Variants in EPB41L4A observed in about 807,000 individuals in gnomAD.
EPB41L4A encodes the protein band 4.1-like protein 4A.
A neutral mutation model predicts 108.6 loss-of-function variants in EPB41L4A; 100 were observed. That is an observed-to-expected ratio of 0.92 (90% confidence interval 0.78 to 1.09). The LOEUF (loss-of-function observed/expected upper bound fraction) is 1.09, where lower values mean the gene tolerates loss of function less well. EPB41L4A is among the 50% of genes least tolerant of loss of function. The pLI, the probability that EPB41L4A is intolerant of heterozygous loss-of-function variation, is 0.00. For missense variants in EPB41L4A, 1,030 were observed against 842.7 expected, an observed-to-expected ratio of 1.22 and a Z score of -2.75; for synonymous variants, 319 against 289.0, an observed-to-expected ratio of 1.10 and a Z score of -1.05.
At chr5:112,400,028 C>A (rs938998217) in intron 1 of EPB41L4A, among the ~76,000 whole-genome samples, 1 of 152,180 alleles carries the variant, frequency 6.6e-6, no homozygotes, top group Non-Finnish European at 1.5e-5. Context: ...CATTTTCGCA[C>A]TGCTATAAAG....
chr5:112,160,813 G>A (rs371101519), downstream of EPB41L4A: 99 of 156,198 alleles, frequency 6.3e-4, 2 homozygotes, highest in South Asian at 0.019. Flanking sequence ...TCGCGCTCTC[G>A]GACAGTGGGT....
chr5:112,284,918 A>C (rs6890234), intron 2 of EPB41L4A, among the ~76,000 whole-genome samples: 1 of 152,136 alleles, frequency 6.6e-6, no homozygotes, highest in African/African-American at 2.4e-5. Context: ...AATTTCATCA[A>C]TTTCCTTGGT....
intron 9 of EPB41L4A, among the ~76,000 whole-genome samples, chr5:112,254,520 G>A (rs960919752): frequency 6.6e-6 from 1 of 152,062 alleles, no homozygotes; most frequent in Non-Finnish European, 1.5e-5. Context: ...CAATTTCCCC[G>A]CAAGTCCTCA....
At chr5:112,355,260 A>G (rs1474085445) in intron 1 of EPB41L4A, among the ~76,000 whole-genome samples, 1 of 152,250 alleles carries the variant, frequency 6.6e-6, no homozygotes, top group Non-Finnish European at 1.5e-5. Flanking sequence ...GATAGTTTCT[A>G]TGCAACTAAA....
At chr5:112,158,568 C>T (rs1296967907), downstream of EPB41L4A, 2 of 175,240 alleles carry the variant, frequency 1.1e-5, no homozygotes, top group African/African-American at 2.4e-5. Flanking sequence ...TCAAGACATA[C>T]CCGAGACTGG....
chr5:112,305,962 G>A (rs1248752569), intron 2 of EPB41L4A, among the ~76,000 whole-genome samples: 5 of 152,068 alleles, frequency 3.3e-5, no homozygotes, highest in Non-Finnish European at 5.9e-5. Context: ...CAATAAACTA[G>A]CAACACTAAC....
At chr5:112,240,619 A>G in intron 10 of EPB41L4A, 100 bp downstream of exon 10, 1 of 648,178 alleles carries the variant, frequency 1.5e-6, no homozygotes. Context: ...AATAAAAGGG[A>G]AACAATTCCA....
downstream of EPB41L4A, among the ~76,000 whole-genome samples, chr5:112,159,925 G>A (rs1467367311): frequency 7.9e-5 from 11 of 139,688 alleles, no homozygotes; most frequent in African/African-American, 2.2e-4. Flanking sequence ...TTTTTGAGAC[G>A]GAGTTTCGCC....
chr5:112,159,269 T>C (rs1759763240), downstream of EPB41L4A, among the ~76,000 whole-genome samples: 1 of 152,192 alleles, frequency 6.6e-6, no homozygotes, highest in Non-Finnish European at 1.5e-5. Context: ...CCTTTTCTTC[T>C]CTTTCCTTCT....
rs10628909 is a variant in EPB41L4A at position 112,272,138 on chromosome 5, A to ACTT, written c.335+3187_335+3188insAAG. Among the ~76,000 whole-genome samples the ACTT allele has an allele frequency of 2.2e-3, 305 of 136,530 alleles. 3 individuals are homozygous for ACTT. Among genetic ancestry groups the ACTT allele is most frequent in the African/African-American group, 8.2e-3 (299 of 36,684 alleles). The allele number at this position is 136,530 out of a possible 152,430, so 89.6% of individuals were successfully genotyped here. A position where few individuals can be genotyped will look rare whatever the true frequency, so the allele number is the denominator to read the frequency against. On this transcript the variant is annotated intron_variant, in intron 4 of 22. Coordinates refer to ENST00000261486, the MANE Select transcript of EPB41L4A (RefSeq NM_022140.5). ...AGAAGTTCCCTGTAGCATTATTTGT[A>ACTT]TTTTTTTTTTTTTTGAGATGGAGTC... is the stretch of plus-strand genomic sequence containing the variant.
intron 1 of EPB41L4A, among the ~76,000 whole-genome samples, chr5:112,311,866 C>T (rs1486368457): frequency 6.6e-6 from 1 of 152,144 alleles, no homozygotes; most frequent in Non-Finnish European, 1.5e-5. Flanking sequence ...GTCCTTTCTC[C>T]CATCTAGGCA....
chr5:112,413,289 T>G (rs1404502089), intron 1 of EPB41L4A, among the ~76,000 whole-genome samples: 1 of 152,234 alleles, frequency 6.6e-6, no homozygotes, highest in African/African-American at 2.4e-5. Context: ...TTCAGTCCAC[T>G]GCACCGTCTC....
intron 1 of EPB41L4A, among the ~76,000 whole-genome samples, chr5:112,418,305 T>C (rs1762835586): frequency 6.6e-6 from 1 of 152,196 alleles, no homozygotes; most frequent in African/African-American, 2.4e-5. Flanking sequence ...TTGTTTGGGC[T>C]CTCTAGGTTA....
chr5:112,371,950 C>A (rs902233220), intron 1 of EPB41L4A, among the ~76,000 whole-genome samples: 1 of 152,054 alleles, frequency 6.6e-6, no homozygotes, highest in Admixed American at 6.5e-5. Flanking sequence ...AGCTACTCAG[C>A]AGGCTAAAAT....
intron 1 of EPB41L4A, among the ~76,000 whole-genome samples, chr5:112,329,180 T>C (rs1312031858): frequency 2.0e-5 from 3 of 152,196 alleles, no homozygotes; most frequent in Non-Finnish European, 4.4e-5. Context: ...AAAAACAAAA[T>C]TGCTAATTTT....
chr5:112,406,984 G>C (rs1333282164), intron 1 of EPB41L4A, among the ~76,000 whole-genome samples: 1 of 152,108 alleles, frequency 6.6e-6, no homozygotes, highest in Non-Finnish European at 1.5e-5. Context: ...GCTGTCTGCT[G>C]CACTTTGGGT....
intron 2 of EPB41L4A, among the ~76,000 whole-genome samples, chr5:112,291,864 G>C (rs184618180): frequency 3.9e-5 from 6 of 152,302 alleles, no homozygotes; most frequent in Admixed American, 1.3e-4. Flanking sequence ...CTGCGTTTCT[G>C]AGTTTTGTAA....
At chr5:112,391,329 G>GA (rs913919113) in intron 1 of EPB41L4A, among the ~76,000 whole-genome samples, 2 of 152,000 alleles carry the variant, frequency 1.3e-5, no homozygotes, top group Admixed American at 1.3e-4. Context: ...TAAAAACTTT[G>GA]AAAAAAGATG....
chr5:112,217,802 CT>C (rs1747759620), intron 12 of EPB41L4A, among the ~76,000 whole-genome samples: 1 of 152,110 alleles, frequency 6.6e-6, no homozygotes, highest in African/African-American at 2.4e-5. Flanking sequence ...AATTTTGCTA[CT>C]GCAAGATCAA....
Sources: allele counts gnomAD v4.1 joint callset (sites outside exome capture counted in the v4.1 genomes callset), GRCh38; gene constraint gnomAD v4.1.1; transcripts MANE v1.5; gene names NCBI Gene and HGNC (gene_info 2026-07-23, HGNC 2026-07-21).